Variants in NUP62CL observed in about 807,000 individuals in gnomAD.
NUP62CL encodes the protein nucleoporin-62 C-terminal-like protein.
Under a neutral mutation model 15.3 loss-of-function variants are expected in NUP62CL, and 13 were observed. That is an observed-to-expected ratio of 0.85 (90% CI 0.55 to 1.35). The LOEUF (loss-of-function observed/expected upper bound fraction) is 1.35, where lower values mean the gene tolerates loss of function less well. Among genes scored for constraint, NUP62CL ranks in the 40% most tolerant of loss-of-function variants. The pLI is 0.00. For synonymous variants in NUP62CL, 54 were observed against 49.2 expected, an observed-to-expected ratio of 1.10 and a Z score of -0.41; for missense variants, 123 against 130.6, an observed-to-expected ratio of 0.94 and a Z score of 0.28.
chrX:107,130,473 T>C (rs747985157), intron 8 of NUP62CL, among the ~76,000 whole-genome samples: 5 of 112,317 alleles, frequency 4.5e-5, no homozygotes, highest in Admixed American at 9.4e-5. Context: ...TTACTTCCTA[T>C]GCACTCTTTC....
At position 107,193,038 on chromosome X, in the gene NUP62CL, T is replaced by G. The variant is rs1050633075; in HGVS notation, c.-57A>C. 2 of 110,800 alleles carry G rather than the reference T, an allele frequency of 1.8e-5. No individual in the cohort carries two copies. The highest frequency in any genetic ancestry group is 6.6e-5 in the African/African-American group (2 of 30,421). The allele number at this position is 110,800 out of a possible 1,213,427, so 9.1% of individuals were successfully genotyped here. A position where few individuals can be genotyped will look rare whatever the true frequency, so the allele number is the denominator to read the frequency against. Reference sequence around the variant, plus strand: ...CAAATAATGAACCCACCTGTAAAGTTCCTCCAAAATTAAACCTGCTGATGA... The same window carrying G: ...CAAATAATGAACCCACCTGTAAAGTGCCTCCAAAATTAAACCTGCTGATGA... On this transcript the variant is annotated 5_prime_UTR_variant, in exon 2 of 9. Transcript: ENST00000372466.
chrX:107,166,104 T>C (rs1411596524), intron 4 of NUP62CL, among the ~76,000 whole-genome samples: 1 of 111,602 alleles, frequency 9.0e-6, no homozygotes, highest in Non-Finnish European at 1.9e-5. Flanking sequence ...AGGACCCTGT[T>C]AAGAGGATGA....
At chrX:107,187,491 G>C (rs1480035634) in intron 2 of NUP62CL, among the ~76,000 whole-genome samples, 1 of 112,200 alleles carries the variant, frequency 8.9e-6, no homozygotes, top group Non-Finnish European at 1.9e-5. Context: ...TCTGCCTCCC[G>C]GGTTCAAGCA....
chrX:107,195,061 C>T (rs1927332747), intron 1 of NUP62CL, among the ~76,000 whole-genome samples: 1 of 110,260 alleles, frequency 9.1e-6, no homozygotes, highest in South Asian at 3.9e-4. Flanking sequence ...AGATGATCTG[C>T]CTGCCTCAGC....
chrX:107,202,342 C>T (rs977853389), intron 1 of NUP62CL, among the ~76,000 whole-genome samples: 8 of 111,275 alleles, frequency 7.2e-5, no homozygotes, highest in African/African-American at 2.3e-4. Context: ...TGGAGATGTG[C>T]TAATATAGAC....
At chrX:107,134,337 A>G (rs1406541195) in intron 8 of NUP62CL, among the ~76,000 whole-genome samples, 3 of 112,700 alleles carry the variant, frequency 2.7e-5, no homozygotes, top group Non-Finnish European at 5.6e-5. Context: ...TACAAAAAAC[A>G]GCAATTTCCT....
At chrX:107,131,319 G>A (rs1386100656) in intron 8 of NUP62CL, among the ~76,000 whole-genome samples, 1 of 111,559 alleles carries the variant, frequency 9.0e-6, no homozygotes, top group South Asian at 3.8e-4. Flanking sequence ...AGATTCCTGA[G>A]TAAATAGCAG....
At chrX:107,181,435 C>T (rs1313249238) in intron 2 of NUP62CL, among the ~76,000 whole-genome samples, 1 of 111,261 alleles carries the variant, frequency 9.0e-6, no homozygotes, top group African/African-American at 3.3e-5. Flanking sequence ...CTTTCTATCC[C>T]TGTTCCATAG....
intron 2 of NUP62CL, among the ~76,000 whole-genome samples, chrX:107,176,134 C>A (rs1225937817): frequency 9.0e-6 from 1 of 111,525 alleles, no homozygotes; most frequent in Non-Finnish European, 1.9e-5. Flanking sequence ...CCAAGCCATT[C>A]CCCAAATAAC....
At chrX:107,156,055 T>C (rs1602645918) in intron 4 of NUP62CL, among the ~76,000 whole-genome samples, 1 of 110,454 alleles carries the variant, frequency 9.1e-6, no homozygotes, top group Non-Finnish European at 1.9e-5. Context: ...CCCACCCGAA[T>C]ATTGCGCTTT....
At chrX:107,155,900 T>A (rs1340084462) in intron 4 of NUP62CL, among the ~76,000 whole-genome samples, 1 of 111,884 alleles carries the variant, frequency 8.9e-6, no homozygotes, top group Non-Finnish European at 1.9e-5. Flanking sequence ...TGCCAGACAG[T>A]GGGCGCAGGC....
At position 107,157,788 on chromosome X, in the gene NUP62CL, T is replaced by C. The variant is rs1926245395; in HGVS notation, c.195-3542A>G. Among the ~76,000 whole-genome samples, 5 of 111,269 alleles carry C rather than the reference T, an allele frequency of 4.5e-5. 1 individual carries two copies. The South Asian group carries it at 1.1e-3, about 25-fold the overall frequency. On this transcript the variant is annotated intron_variant, in intron 4 of 8. Coordinates refer to ENST00000372466, the MANE Select transcript of NUP62CL (RefSeq NM_017681.3). ...AATTCACACATAACAACACTAACTT[T>C]AAATGTAAATGGACTAAATTCTCCA...
chrX:107,146,872 G>C (rs1925894278), intron 8 of NUP62CL, among the ~76,000 whole-genome samples: 1 of 111,227 alleles, frequency 9.0e-6, no homozygotes, highest in Non-Finnish European at 1.9e-5. Context: ...CCTGAGGCAT[G>C]AGATTAGACA....
intron 8 of NUP62CL, among the ~76,000 whole-genome samples, chrX:107,137,092 T>C (rs1925658743): frequency 9.0e-6 from 1 of 110,825 alleles, no homozygotes; most frequent in Admixed American, 9.5e-5. Context: ...AAAATTATTA[T>C]ATCTCAATGT....
intron 3 of NUP62CL, among the ~76,000 whole-genome samples, chrX:107,174,845 T>C (rs148346046): frequency 8.9e-4 from 100 of 112,396 alleles, no homozygotes; most frequent in African/African-American, 3.1e-3. Flanking sequence ...TGCATCACAA[T>C]ATTAATGAAT....
At chrX:107,147,853 T>G (rs774991217) in intron 7 of NUP62CL, 44 bp from the exon 8 acceptor site, 1 of 1,028,854 alleles carries the variant, frequency 9.7e-7, no homozygotes, top group East Asian at 3.1e-5. Flanking sequence ...TATTCTGAGG[T>G]GGTAAATAAA....
At chrX:107,158,082 TC>T (rs1368195957) in intron 4 of NUP62CL, among the ~76,000 whole-genome samples, 1 of 66,743 alleles carries the variant, frequency 1.5e-5, no homozygotes, top group Non-Finnish European at 2.7e-5. Flanking sequence ...GAGCTAACTA[TC>T]CTAAATATAT....
chrX:107,152,099 GATAT>G (rs746505025), intron 7 of NUP62CL, among the ~76,000 whole-genome samples: 1 of 38,850 alleles, frequency 2.6e-5, no homozygotes. Flanking sequence ...TATATATTCA[GATAT>G]ATATATATAT....
intron 8 of NUP62CL, chrX:107,132,205 G>A (rs1431112896): frequency 9.0e-7 from 1 of 1,113,095 alleles, no homozygotes; most frequent in African/African-American, 1.8e-5. Context: ...AGAAGATTCT[G>A]GTCCTCTTAT....
Sources: allele counts gnomAD v4.1 joint callset (sites outside exome capture counted in the v4.1 genomes callset), GRCh38; gene constraint gnomAD v4.1.1; transcripts MANE v1.5; gene names NCBI Gene and HGNC (gene_info 2026-07-23, HGNC 2026-07-21).